The following FYN variants were observed in gnomAD, a reference collection of about 807,000 sequenced individuals.
FYN encodes tyrosine-protein kinase Fyn.
FYN carries 10 observed loss-of-function variants against 70.2 expected under a neutral mutation model. The ratio of observed to expected loss-of-function variants is 0.14; its 90% CI spans 0.09 to 0.24. FYN has a LOEUF of 0.24. Among genes scored for constraint, FYN ranks in the 10% least tolerant of loss-of-function variants. The probability of loss-of-function intolerance (pLI) is 1.00; values close to 1 mark genes in which losing one functional copy is unlikely to be tolerated. For missense variants in FYN, 319 were observed against 673.1 expected, an observed-to-expected ratio of 0.47 and a Z score of 5.82; for synonymous variants, 236 against 248.6, an observed-to-expected ratio of 0.95 and a Z score of 0.48.
At chr6:111,795,160 AC>A (rs1299252446) in intron 2 of FYN, among the ~76,000 whole-genome samples, 1 of 151,788 alleles carries the variant, frequency 6.6e-6, no homozygotes, top group African/African-American at 2.4e-5. Context: ...GAAACCCTAA[AC>A]CCTAGCACAC....
chr6:111,812,352 G>A (rs1180543970), intron 2 of FYN, among the ~76,000 whole-genome samples: 1 of 152,194 alleles, frequency 6.6e-6, no homozygotes, highest in African/African-American at 2.4e-5. Flanking sequence ...CTAAATGGAT[G>A]TGTTAATGGC....
At chr6:111,863,801 G>A (rs1212388379) in intron 1 of FYN, among the ~76,000 whole-genome samples, 2 of 152,172 alleles carry the variant, frequency 1.3e-5, no homozygotes, top group Admixed American at 6.5e-5. Flanking sequence ...GTCTTTCTGT[G>A]CGGATTTATG....
intron 1 of FYN, among the ~76,000 whole-genome samples, chr6:111,864,838 C>G (rs1774061586): frequency 6.6e-6 from 1 of 152,146 alleles, no homozygotes; most frequent in Admixed American, 6.5e-5. Context: ...AGCTGTGTGA[C>G]CATGAGCCAT....
At chr6:111,700,065 CG>C in intron 9 of FYN, 38 bp downstream of exon 9, 1 of 1,589,446 alleles carries the variant, frequency 6.3e-7, no homozygotes, top group African/African-American at 1.3e-5. Flanking sequence ...ATCTTCCAAA[CG>C]GGGAAGCTAA....
intron 2 of FYN, among the ~76,000 whole-genome samples, chr6:111,788,961 C>T (rs1057422347): frequency 6.6e-6 from 1 of 152,126 alleles, no homozygotes; most frequent in Admixed American, 6.5e-5. Context: ...CTTCTGGCTA[C>T]ACTCCAACAG....
chr6:111,691,345 GT>G (rs1486613595), intron 12 of FYN, among the ~76,000 whole-genome samples: 4 of 152,208 alleles, frequency 2.6e-5, no homozygotes, highest in Non-Finnish European at 5.9e-5. Flanking sequence ...ACTCACAACT[GT>G]TTTGAAAACA....
chr6:111,684,254 T>C (rs1021964682), intron 12 of FYN, among the ~76,000 whole-genome samples: 2 of 152,046 alleles, frequency 1.3e-5, no homozygotes, highest in East Asian at 1.9e-4. Context: ...GGCCCGAACA[T>C]ATTGCAAAGA....
intron 5 of FYN, among the ~76,000 whole-genome samples, chr6:111,709,951 A>G (rs1212854209): frequency 6.6e-6 from 1 of 152,208 alleles, no homozygotes; most frequent in East Asian, 1.9e-4. Context: ...ATCTAAGAAC[A>G]TATGTGGAAG....
chr6:111,674,685 G>C, intron 12 of FYN, 55 bp from the exon 13 acceptor site: 1 of 1,564,696 alleles, frequency 6.4e-7, no homozygotes, highest in African/African-American at 1.4e-5. Flanking sequence ...AATGGGCATG[G>C]GGTGTGGGAG....
At chr6:111,849,736 G>T (rs1232137824) in intron 1 of FYN, among the ~76,000 whole-genome samples, 1 of 152,200 alleles carries the variant, frequency 6.6e-6, no homozygotes, top group Non-Finnish European at 1.5e-5. Context: ...TCCTGGTGCT[G>T]GGCTATGCCT....
chr6:111,816,334 GA>G (rs952532574), intron 2 of FYN, among the ~76,000 whole-genome samples: 4 of 152,048 alleles, frequency 2.6e-5, no homozygotes, highest in Admixed American at 6.5e-5. Flanking sequence ...CAAAAGCTCT[GA>G]TAATAGTTAC....
chr6:111,769,504 T>C (rs1803358642), intron 3 of FYN, among the ~76,000 whole-genome samples: 1 of 152,230 alleles, frequency 6.6e-6, no homozygotes, highest in Non-Finnish European at 1.5e-5. Context: ...TAACCTTTAC[T>C]GATATTTCAT....
rs553199800 is a variant in FYN at position 111,829,639 on chromosome 6, T to C, written c.-82+16950A>G. On this transcript the variant is annotated intron_variant, in intron 2 of 13. Coordinates refer to ENST00000354650, the MANE Select transcript of FYN (RefSeq NM_002037.5). ...GAGAATGGAAGTCAGAAAACATAGG[T>C]TGAGAAGCTGATTTTACTGCTGTCT... 2.6e-5 allele frequency among the ~76,000 whole-genome samples: 4 copies of C among 152,260 alleles called. No homozygotes were observed. In the East Asian group the frequency reaches 7.7e-4, roughly 29 times the overall value.
intron 3 of FYN, among the ~76,000 whole-genome samples, chr6:111,774,857 T>C (rs1323552756): frequency 6.6e-6 from 1 of 152,156 alleles, no homozygotes; most frequent in African/African-American, 2.4e-5. Flanking sequence ...TAGCTGGAAT[T>C]ATAGGCGTGT....
intron 2 of FYN, among the ~76,000 whole-genome samples, chr6:111,819,530 T>C (rs1350988774): frequency 1.3e-5 from 2 of 152,172 alleles, no homozygotes; most frequent in African/African-American, 2.4e-5. Flanking sequence ...CTTTAAAACA[T>C]AGTACTTGAA....
intron 2 of FYN, among the ~76,000 whole-genome samples, chr6:111,792,091 G>A (rs1001956791): frequency 2.0e-5 from 3 of 152,082 alleles, no homozygotes; most frequent in African/African-American, 7.2e-5. Flanking sequence ...GAATCAAAGG[G>A]AAGCCACAGA....
chr6:111,665,875 G>A (rs1360367957), intron 13 of FYN, among the ~76,000 whole-genome samples: 1 of 151,906 alleles, frequency 6.6e-6, no homozygotes, highest in East Asian at 1.9e-4. Flanking sequence ...TGCCCACCTC[G>A]GCCTCCCAAA....
At chr6:111,722,879 T>C (rs1449857993) in intron 3 of FYN, among the ~76,000 whole-genome samples, 4 of 152,350 alleles carry the variant, frequency 2.6e-5, no homozygotes, top group African/African-American at 4.8e-5. Context: ...ATCTACATCT[T>C]TGAAGCAGTT....
intron 2 of FYN, among the ~76,000 whole-genome samples, chr6:111,830,555 CA>C (rs1772984773): frequency 6.6e-6 from 1 of 152,052 alleles, no homozygotes; most frequent in South Asian, 2.1e-4. Context: ...GTTTAAAGGA[CA>C]GATGTTTTAA....
Sources: allele counts gnomAD v4.1 joint callset (sites outside exome capture counted in the v4.1 genomes callset), GRCh38; gene constraint gnomAD v4.1.1; transcripts MANE v1.5; gene names NCBI Gene and HGNC (gene_info 2026-07-23, HGNC 2026-07-21).